The following CDKN2A variants were observed in gnomAD, a reference collection of about 807,000 sequenced individuals.
CDKN2A encodes the protein cyclin dependent kinase inhibitor 2A.
Under a neutral mutation model 11.1 loss-of-function variants are expected in CDKN2A, and 3 were observed. That is an observed-to-expected ratio of 0.27 (90% CI 0.12 to 0.70). CDKN2A has a LOEUF of 0.70. Ranked by LOEUF, CDKN2A falls within the 30% of genes least tolerant of loss-of-function variation. CDKN2A has a pLI of 0.77. For synonymous variants in CDKN2A, 122 were observed against 108.1 expected (o/e 1.13, Z -0.80); for missense variants, 265 against 233.6 (o/e 1.13, Z -0.88).
intron 2 of CDKN2A, among the ~76,000 whole-genome samples, chr9:21,985,968 A>G (rs1193492949): frequency 6.6e-6 from 1 of 152,028 alleles, no homozygotes; most frequent in African/African-American, 2.4e-5. Flanking sequence ...TCTTAAGGGC[A>G]TAGTTTAATT....
In CDKN2A at chr9:21,968,630, A is replaced by G; in HGVS notation, c.458-388T>C. 1 of 1,520,414 alleles carries G rather than the reference A, an allele frequency of 6.6e-7. No individual in the cohort carries two copies. The highest frequency in any genetic ancestry group is 8.8e-7 in the Non-Finnish European group (1 of 1,138,690). 94.2% of individuals were successfully genotyped at this position (1,520,414 alleles called of 1,614,324 possible). A position where few individuals can be genotyped will look rare whatever the true frequency, so the allele number is the denominator to read the frequency against. On this transcript the variant is annotated intron_variant, in intron 2 of 2. Coordinates refer to ENST00000304494, the MANE Select transcript of CDKN2A (RefSeq NM_000077.5). The surrounding 1 kb of genome is among the most constrained non-coding windows in gnomAD (Gnocchi z 4.7). ...CCTTTCCCTTCCCGCATCCCCAGGC[A>G]TCTTTTGCACCTGGTGCGGAGTGAG...
At chr9:21,984,501 G>C (rs955059860) in intron 2 of CDKN2A, among the ~76,000 whole-genome samples, 7 of 151,878 alleles carry the variant, frequency 4.6e-5, no homozygotes, top group African/African-American at 1.7e-4. Context: ...TTCTTGATAG[G>C]ACAGATTTTC....
intron 2 of CDKN2A, among the ~76,000 whole-genome samples, chr9:21,980,747 CAGG>C (rs1220664104): frequency 1.3e-5 from 2 of 151,290 alleles, no homozygotes; most frequent in African/African-American, 4.9e-5. Flanking sequence ...ATCACGAGGT[CAGG>C]AGATCTAGAC....
rs1205194325 is a variant in CDKN2A, at chr9:21,988,637, A to G, written c.-4+5245T>C. 6.6e-6 allele frequency among the ~76,000 whole-genome samples: 1 copy of G among 152,124 alleles called. No homozygotes were observed. The highest frequency in any genetic ancestry group is 2.4e-5 in the African/African-American group (1 of 41,418). On this transcript the variant is annotated intron_variant, in intron 2 of 3. Transcript: ENST00000494262. This position sits in a 1 kb window ranked among gnomAD's most constrained non-coding sequence, Gnocchi z 4.1. ...GGGAATGAGCGAGGGCTGAAATACTACCTACTGTGGGTACTGTGCTCACTA... is the reference window on the plus strand; with the variant it reads ...GGGAATGAGCGAGGGCTGAAATACTGCCTACTGTGGGTACTGTGCTCACTA...
Position 21,968,649 on chromosome 9 carries a change from G to A in CDKN2A, c.458-407C>T. On this transcript the variant is annotated intron_variant, in intron 2 of 2. Coordinates refer to ENST00000304494, the MANE Select transcript of CDKN2A (RefSeq NM_000077.5). The surrounding 1 kb of genome is among the most constrained non-coding windows in gnomAD (Gnocchi z 4.7). ...CCAGGCATCTTTTGCACCTGGTGCG[G>A]AGTGAGCCAGCCAGCTTGCGATAAC... is the stretch of plus-strand genomic sequence containing the variant. The A allele has an allele frequency of 2.0e-6, 3 of 1,533,158 alleles. No individual in the cohort carries two copies. Among genetic ancestry groups the A allele is most frequent in the Non-Finnish European group, 2.6e-6 (3 of 1,145,036 alleles). 95.0% of individuals were successfully genotyped at this position (1,533,158 alleles called of 1,614,324 possible). A position where few individuals can be genotyped will look rare whatever the true frequency, so the allele number is the denominator to read the frequency against.
chr9:21,989,711 C>G (rs770379913), intron 2 of CDKN2A: 2 of 152,326 alleles, frequency 1.3e-5, no homozygotes, highest in Admixed American at 1.3e-4. Flanking sequence ...TGCCTTCTGT[C>G]ATGTCCTGCC....
Position 21,974,459 on chromosome 9 carries a change from CTGT to C in CDKN2A, c.150+216_150+218del, listed in dbSNP as rs201820199. ...CAGATCTTCTCAGCATTCGAGAGAT[CTGT>C]ACGCGCGTGGCTCCTCATTCCTCTT... On this transcript the variant is annotated intron_variant, in intron 1 of 2. Transcript: ENST00000304494. This position sits in a 1 kb window ranked among gnomAD's most constrained non-coding sequence, Gnocchi z 5.2. The C allele has an allele frequency of 1.9e-3, 3,105 of 1,612,278 alleles. 44 individuals carry two copies. The African/African-American group carries it at 0.033, about 17-fold the overall frequency.
intron 1 of CDKN2A, among the ~76,000 whole-genome samples, chr9:21,973,267 T>C (rs1395085682): frequency 6.6e-6 from 1 of 152,204 alleles, no homozygotes; most frequent in Non-Finnish European, 1.5e-5. Flanking sequence ...ATGTGTAGGA[T>C]GCTTAAACCC....
rs747621669 is a variant in CDKN2A, at chr9:21,970,988, C to T, written c.371G>A (p.Arg124His). The T allele has an allele frequency of 6.2e-7, 1 of 1,610,302 alleles. No homozygotes were observed. Among genetic ancestry groups the T allele is most frequent in the South Asian group, 1.1e-5 (1 of 91,030 alleles). The change falls in exon 2 of 3, where the codon CGC (arginine) becomes CAC (histidine). Residue 124 changes from arginine to histidine, a missense_variant. Transcript: ENST00000304494. Reference sequence around the variant, plus strand: ...CGCGCGCAGGTACCGTGCGACATCGCGATGGCCCAGCTCCTCAGCCAGGTC... The same window carrying T: ...CGCGCGCAGGTACCGTGCGACATCGTGATGGCCCAGCTCCTCAGCCAGGTC... ...PVDLAEELGH[R>H]DVARYLRAAA...
At position 21,968,365 on chromosome 9, in the gene CDKN2A, T is replaced by A; in HGVS notation, c.458-123A>T. 6.7e-7 allele frequency: 1 copy of A among 1,498,480 alleles called. No individual in the cohort carries two copies. Among genetic ancestry groups the A allele is most frequent in the Non-Finnish European group, 9.1e-7 (1 of 1,097,668 alleles). The allele number at this position is 1,498,480 out of a possible 1,614,324, so 92.8% of individuals were successfully genotyped here. ...ATACTTATGGATAAAGTTCTCGCAA[T>A]GGCTTCACGTGCATGTACCCGCCGC... On this transcript the variant is annotated intron_variant, in intron 2 of 2. Coordinates refer to ENST00000304494, the MANE Select transcript of CDKN2A (RefSeq NM_000077.5). This position sits in a 1 kb window ranked among gnomAD's most constrained non-coding sequence, Gnocchi z 4.7.
In CDKN2A at chr9:21,968,364, A is replaced by T; in HGVS notation, c.458-122T>A. 1 of 1,505,596 alleles carries T rather than the reference A, an allele frequency of 6.6e-7. No homozygotes were observed. The highest frequency in any genetic ancestry group is 1.2e-5 in the South Asian group (1 of 84,322). 93.3% of individuals were successfully genotyped at this position (1,505,596 alleles called of 1,614,324 possible). On this transcript the variant is annotated intron_variant, in intron 2 of 2. Coordinates refer to ENST00000304494, the MANE Select transcript of CDKN2A (RefSeq NM_000077.5). The surrounding 1 kb of genome is among the most constrained non-coding windows in gnomAD (Gnocchi z 4.7). ...AATACTTATGGATAAAGTTCTCGCA[A>T]TGGCTTCACGTGCATGTACCCGCCG...
chr9:21,993,853 C>T, intron 2 of CDKN2A: 1 of 502,834 alleles, frequency 2.0e-6, no homozygotes, highest in Non-Finnish European at 3.6e-6. Flanking sequence ...GTGTCTTAGT[C>T]ATTCCCACCC....
chr9:21,981,585 T>A (rs1820199205), intron 2 of CDKN2A, among the ~76,000 whole-genome samples: 1 of 151,414 alleles, frequency 6.6e-6, no homozygotes, highest in African/African-American at 2.4e-5. Context: ...GAAATTAGAG[T>A]CCCTGTCCTA....
In CDKN2A at chr9:21,970,897, C is replaced by A. The variant is rs866937105; in HGVS notation, c.457+5G>T. The A allele has an allele frequency of 1.9e-6, 3 of 1,611,332 alleles. No homozygotes were observed. The highest frequency in any genetic ancestry group is 2.5e-6 in the Non-Finnish European group (3 of 1,179,976). On this transcript the variant is annotated splice_donor_5th_base_variant and intron_variant, in intron 2 of 2. Coordinates refer to ENST00000304494, the MANE Select transcript of CDKN2A (RefSeq NM_000077.5). ...GGTACAAATTCTCAGATCATCAGTC[C>A]TCACCTGAGGGACCTTCCGCGGCAT...
chr9:21,971,231 C>A (rs2131097026), intron 1 of CDKN2A, 23 bp from the exon 2 acceptor site: 1 of 1,592,482 alleles, frequency 6.3e-7, no homozygotes, highest in South Asian at 1.1e-5. Flanking sequence ...ACAGAATGGT[C>A]AGAGCCAGGG....
upstream of CDKN2A, among the ~76,000 whole-genome samples, chr9:21,979,636 TGAG>T (rs1335297608): frequency 1.3e-5 from 2 of 152,106 alleles, no homozygotes; most frequent in African/African-American, 2.4e-5. Context: ...CTTCTATGAA[TGAG>T]GAGGTTAGCT....
At position 21,968,783 on chromosome 9, in the gene CDKN2A, T is replaced by A. The variant is rs938889880; in HGVS notation, c.458-541A>T. On this transcript the variant is annotated intron_variant, in intron 2 of 2. Transcript: ENST00000304494. This position sits in a 1 kb window ranked among gnomAD's most constrained non-coding sequence, Gnocchi z 4.7. ...GTTTCCGATCATTTCTGAAACAAAA[T>A]GGATGCTCATTTATTCATGTGCTCT... The A allele has an allele frequency of 6.5e-7, 1 of 1,536,088 alleles. No homozygotes were observed. The highest frequency in any genetic ancestry group is 1.2e-5 in the South Asian group (1 of 84,066).
intron 2 of CDKN2A, among the ~76,000 whole-genome samples, chr9:21,993,524 A>G (rs1248042817): frequency 1.3e-5 from 2 of 152,132 alleles, no homozygotes; most frequent in Admixed American, 6.5e-5. Context: ...CTAACTCACA[A>G]AGAAAGCCCA....
At chr9:21,976,665 C>T (rs1820041358), upstream of CDKN2A, among the ~76,000 whole-genome samples, 1 of 152,054 alleles carries the variant, frequency 6.6e-6, no homozygotes, top group Non-Finnish European at 1.5e-5. Flanking sequence ...TTGCAGTGAG[C>T]CGAGATCGCG....
Sources: allele counts gnomAD v4.1 joint callset (sites outside exome capture counted in the v4.1 genomes callset), GRCh38; gene constraint gnomAD v4.1.1; non-coding constraint Gnocchi (gnomAD v3.1); transcripts MANE v1.5; gene names NCBI Gene and HGNC (gene_info 2026-07-23, HGNC 2026-07-21).